CCDC171: variants seen among roughly 807,000 people sequenced by gnomAD.
CCDC171 encodes the protein coiled-coil domain-containing protein 171.
In CCDC171, 177 loss-of-function variants were observed where a neutral mutation model predicts 168.2. That is an observed-to-expected ratio of 1.05 (90% CI 0.93 to 1.19). The LOEUF is 1.19. Ranked by LOEUF, CCDC171 falls within the 50% of genes most tolerant of loss-of-function variation. CCDC171 has a pLI of 0.00. For synonymous variants in CCDC171, 687 were observed against 540.8 expected, an observed-to-expected ratio of 1.27 and a Z score of -3.75; for missense variants, 1,991 against 1,539.0, an observed-to-expected ratio of 1.29 and a Z score of -4.91.
At chr9:15,721,940 C>T (rs1390729524) in intron 12 of CCDC171, 65 bp downstream of exon 12, 3 of 726,696 alleles carry the variant, frequency 4.1e-6, no homozygotes, top group Non-Finnish European at 6.2e-6. Context: ...GTATTCCTTG[C>T]TTGTTACAAA....
chr9:15,630,829 C>G (rs530845371), intron 7 of CCDC171, among the ~76,000 whole-genome samples: 19 of 152,300 alleles, frequency 1.2e-4, no homozygotes, highest in African/African-American at 4.6e-4. Flanking sequence ...GTCTCTCAGA[C>G]CACAGTGCAA....
At chr9:15,813,114 C>T (rs946865793) in intron 21 of CCDC171, among the ~76,000 whole-genome samples, 1 of 152,174 alleles carries the variant, frequency 6.6e-6, no homozygotes, top group African/African-American at 2.4e-5. Flanking sequence ...AACTGTTCTT[C>T]AAGCCCATTT....
chr9:15,630,200 G>A (rs201188578), intron 7 of CCDC171, among the ~76,000 whole-genome samples: 2 of 152,252 alleles, frequency 1.3e-5, no homozygotes. Flanking sequence ...ATGTAAATGG[G>A]CTAAGTGCTC....
intron 24 of CCDC171, among the ~76,000 whole-genome samples, chr9:15,907,635 A>C (rs1475476483): frequency 6.6e-6 from 1 of 152,240 alleles, no homozygotes; most frequent in African/African-American, 2.4e-5. Context: ...AAGCAATGGC[A>C]ACAAAAGCCA....
In CCDC171 at chr9:15,632,209, T is replaced by G. The variant is rs1263470369; in HGVS notation, c.822+8796T>G. Among the ~76,000 whole-genome samples the G allele has an allele frequency of 8.2e-4, 118 of 144,666 alleles. 1 individual carries two copies. In the East Asian group the frequency reaches 9.4e-3, roughly 12 times the overall value. The allele number at this position is 144,666 out of a possible 152,430, so 94.9% of individuals were successfully genotyped here. On this transcript the variant is annotated intron_variant, in intron 7 of 25. Transcript: ENST00000380701. ...GAGAAGGAAATAAAGGGTATTCAGT[T>G]AGGAAAAGAGGAAGTCAAATTGTCC...
Position 15,950,283 on chromosome 9 carries a change from G to C in CCDC171, c.3754-21326G>C, listed in dbSNP as rs576702697. Among the ~76,000 whole-genome samples the C allele has an allele frequency of 9.1e-4, 138 of 152,142 alleles. 1 individual carries two copies. Among genetic ancestry groups the C allele is most frequent in the African/African-American group, 2.6e-3 (109 of 41,510 alleles). ...CAGGAAATACAGAGAACACCACAAAGATACTCCTCGAGAAGAGCAACTCCA... is the reference window on the plus strand; with the variant it reads ...CAGGAAATACAGAGAACACCACAAACATACTCCTCGAGAAGAGCAACTCCA... On this transcript the variant is annotated intron_variant, in intron 25 of 25. Transcript: ENST00000380701.
chr9:15,672,835 T>C (rs943087257), intron 9 of CCDC171, among the ~76,000 whole-genome samples: 2 of 152,186 alleles, frequency 1.3e-5, no homozygotes, highest in African/African-American at 4.8e-5. Flanking sequence ...CTTGGCAATG[T>C]GGGCTCTTTT....
chr9:15,614,797 C>T (rs1024123055), intron 6 of CCDC171, among the ~76,000 whole-genome samples: 3 of 152,094 alleles, frequency 2.0e-5, no homozygotes, highest in Non-Finnish European at 2.9e-5. Flanking sequence ...CTGGGTGAGG[C>T]TTTTCAGCCA....
At chr9:15,925,942 A>G (rs1422545193) in intron 25 of CCDC171, among the ~76,000 whole-genome samples, 2 of 151,642 alleles carry the variant, frequency 1.3e-5, no homozygotes, top group Admixed American at 6.6e-5. Flanking sequence ...CAATATAGAA[A>G]TAATCATTAA....
chr9:16,079,328 T>C, the CCDC171 span, among the ~76,000 whole-genome samples: 2 of 152,228 alleles, frequency 1.3e-5, no homozygotes, highest in African/African-American at 4.8e-5. Context: ...GAATGTGACC[T>C]TATTTGGAGC....
At chr9:15,833,573 A>G (rs1221095137) in intron 21 of CCDC171, among the ~76,000 whole-genome samples, 1 of 152,240 alleles carries the variant, frequency 6.6e-6, no homozygotes, top group Non-Finnish European at 1.5e-5. Flanking sequence ...TAATACAAAT[A>G]TGCAATTTTA....
chr9:15,570,363 T>C (rs956327939), intron 2 of CCDC171, among the ~76,000 whole-genome samples: 1 of 151,852 alleles, frequency 6.6e-6, no homozygotes, highest in African/African-American at 2.4e-5. Flanking sequence ...TATACTCCTA[T>C]TTTTTTTAGT....
chr9:15,562,608 T>A (rs1364486266), intron 1 of CCDC171, among the ~76,000 whole-genome samples: 1 of 152,152 alleles, frequency 6.6e-6, no homozygotes, highest in African/African-American at 2.4e-5. Context: ...CTGCCCAATA[T>A]ACGAAAACAT....
intron 1 of CCDC171, among the ~76,000 whole-genome samples, chr9:15,560,312 C>A (rs912418695): frequency 2.0e-5 from 3 of 152,166 alleles, no homozygotes; most frequent in Admixed American, 2.0e-4. Flanking sequence ...GGATGATATC[C>A]TGAAGGGTGT....
At chr9:15,648,207 C>G (rs1173241767) in intron 7 of CCDC171, among the ~76,000 whole-genome samples, 1 of 152,102 alleles carries the variant, frequency 6.6e-6, no homozygotes, top group Admixed American at 6.6e-5. Flanking sequence ...GCCCTTCATG[C>G]TAAAAACTCT....
chr9:15,908,575 C>T (rs1033823865), intron 24 of CCDC171, among the ~76,000 whole-genome samples: 5 of 152,088 alleles, frequency 3.3e-5, no homozygotes, highest in African/African-American at 7.2e-5. Context: ...TTACTGGGTG[C>T]AGCACACCTA....
intron 10 of CCDC171, among the ~76,000 whole-genome samples, chr9:15,692,473 A>G (rs1185689820): frequency 6.6e-6 from 1 of 151,918 alleles, no homozygotes; most frequent in East Asian, 1.9e-4. Flanking sequence ...ACAATGAAAA[A>G]TGAAATCTCT....
intron 24 of CCDC171, among the ~76,000 whole-genome samples, chr9:15,918,551 A>T (rs914082041): frequency 1.3e-5 from 2 of 151,622 alleles, no homozygotes; most frequent in South Asian, 2.1e-4. Flanking sequence ...CAAGTTTCTG[A>T]TTTTCACATA....
In CCDC171 at chr9:15,623,261, T is replaced by C; in HGVS notation, c.676-6T>C. On this transcript the variant is annotated splice_region_variant and splice_polypyrimidine_tract_variant and intron_variant, in intron 6 of 25. Transcript: ENST00000380701. The stretch of plus-strand genomic sequence containing the variant: ...TTTATTGATGCAAAAATGAATTATT[T>C]TCCAGGAGCAAGATACTGCTGTGCA... 6.5e-7 allele frequency: 1 copy of C among 1,545,566 alleles called. No individual in the cohort carries two copies. The highest frequency in any genetic ancestry group is 8.8e-7 in the Non-Finnish European group (1 of 1,141,810).
Sources: allele counts gnomAD v4.1 joint callset (sites outside exome capture counted in the v4.1 genomes callset), GRCh38; gene constraint gnomAD v4.1.1; transcripts MANE v1.5; gene names NCBI Gene and HGNC (gene_info 2026-07-23, HGNC 2026-07-21).